The following KANK1 variants were observed in gnomAD, a reference collection of about 807,000 sequenced individuals.
KANK1 encodes KN motif and ankyrin repeat domains 1.
A neutral mutation model predicts 106.2 loss-of-function variants in KANK1; 109 were observed. That is an observed-to-expected ratio of 1.03 (90% CI 0.88 to 1.20). KANK1 has a LOEUF of 1.20. KANK1 is among the 50% of genes most tolerant of loss of function. KANK1 has a pLI of 0.00. For missense variants in KANK1, 2,399 were observed against 1,710.7 expected (o/e 1.40, Z -7.10); for synonymous variants, 873 against 652.2 (o/e 1.34, Z -5.16).
chr9:565,411 A>C (rs1012268628), intron 1 of KANK1, among the ~76,000 whole-genome samples: 1 of 152,236 alleles, frequency 6.6e-6, no homozygotes, highest in Non-Finnish European at 1.5e-5. Flanking sequence ...AGTCACCCAA[A>C]AGGGTCTTCC....
intron 1 of KANK1, among the ~76,000 whole-genome samples, chr9:581,023 C>T (rs1316445370): frequency 6.6e-6 from 1 of 151,916 alleles, no homozygotes; most frequent in African/African-American, 2.4e-5. Context: ...AGTGCTAAGC[C>T]CCTCACTGCC....
At chr9:499,836 G>A (rs921739027), upstream of KANK1, among the ~76,000 whole-genome samples, 7 of 152,296 alleles carry the variant, frequency 4.6e-5, no homozygotes, top group African/African-American at 1.7e-4. Context: ...ACCCAAAGAT[G>A]CAATTAGAGA....
rs182232964 is a variant in KANK1 at position 700,234 on chromosome 9, T to A, written c.38-10570T>A. 8.5e-5 allele frequency among the ~76,000 whole-genome samples: 13 copies of A among 152,316 alleles called. No individual in the cohort carries two copies. In the East Asian group the frequency reaches 2.3e-3, roughly 27 times the overall value. ...AAAAGAAAATCTCATCTGTTATACA[T>A]TTCCTTTAAACCAGAAGGAGGAACA... On this transcript the variant is annotated intron_variant, in intron 2 of 11. Coordinates refer to ENST00000382297, the MANE Select transcript of KANK1 (RefSeq NM_015158.5).
chr9:480,837 G>A (rs536905499), intron 3 of KANK1, among the ~76,000 whole-genome samples: 38 of 152,206 alleles, frequency 2.5e-4, no homozygotes, highest in Non-Finnish European at 5.0e-4. Flanking sequence ...CAGATAAATT[G>A]TGTAAAATGG....
At chr9:684,114 T>A (rs950876566) in intron 2 of KANK1, 12 of 963,930 alleles carry the variant, frequency 1.2e-5, no homozygotes, top group Non-Finnish European at 1.5e-5. Flanking sequence ...AGAGCTTGCT[T>A]GTTTCATAAA....
chr9:697,910 T>C (rs933474503), intron 2 of KANK1, among the ~76,000 whole-genome samples: 2 of 152,082 alleles, frequency 1.3e-5, no homozygotes, highest in South Asian at 4.2e-4. Flanking sequence ...GTTCTAGATA[T>C]GTATTTATCT....
At chr9:635,094 T>C (rs1326006935) in intron 1 of KANK1, among the ~76,000 whole-genome samples, 3 of 152,144 alleles carry the variant, frequency 2.0e-5, no homozygotes, top group Non-Finnish European at 4.4e-5. Context: ...GGAATGCCGT[T>C]ATTATGGTAA....
At chr9:514,143 C>CAT (rs1563696773) in intron 1 of KANK1, among the ~76,000 whole-genome samples, 2 of 67,236 alleles carry the variant, frequency 3.0e-5, no homozygotes, top group African/African-American at 1.5e-4. Context: ...TCCCTCCCTC[C>CAT]CTTCCTCTCT....
chr9:480,087 G>A (rs956418418), intron 3 of KANK1, among the ~76,000 whole-genome samples: 2 of 152,148 alleles, frequency 1.3e-5, no homozygotes, highest in East Asian at 3.8e-4. Flanking sequence ...CAAAAAACAC[G>A]TTCCATCTGG....
chr9:708,412 C>T (rs1824921246), intron 2 of KANK1, among the ~76,000 whole-genome samples: 2 of 152,250 alleles, frequency 1.3e-5, no homozygotes, highest in Non-Finnish European at 2.9e-5. Context: ...GCCCTCCCGA[C>T]CAGCCCTCCC....
chr9:634,777 T>G (rs1368840813), intron 1 of KANK1, among the ~76,000 whole-genome samples: 1 of 152,226 alleles, frequency 6.6e-6, no homozygotes, highest in Non-Finnish European at 1.5e-5. Context: ...TGAACCATGC[T>G]AGATTTCTCT....
At chr9:634,933 T>A (rs1836726194) in intron 1 of KANK1, among the ~76,000 whole-genome samples, 1 of 152,328 alleles carries the variant, frequency 6.6e-6, no homozygotes, top group African/African-American at 2.4e-5. Context: ...GCAAAATGGC[T>A]ACAGAAGTGC....
rs113826061 is a variant in KANK1 at position 655,138 on chromosome 9, G to A, written c.-83-21752G>A. Among the ~76,000 whole-genome samples the A allele has an allele frequency of 6.9e-3, 1,050 of 152,232 alleles. 22 individuals are homozygous for A. Among genetic ancestry groups the A allele is most frequent in the African/African-American group, 0.024 (995 of 41,512 alleles). ...TAACCCCAGCACTCTAGGAGGCCAA[G>A]GCGAGTGGATCACCTGCGGTCAGGA... On this transcript the variant is annotated intron_variant, in intron 1 of 11. Transcript: ENST00000382297.
chr9:702,581 C>T (rs1822954807), intron 2 of KANK1, among the ~76,000 whole-genome samples: 1 of 152,094 alleles, frequency 6.6e-6, no homozygotes, highest in South Asian at 2.1e-4. Flanking sequence ...AAATGTAAGT[C>T]GAATGTGTGA....
chr9:541,477 A>G (rs2060595641), intron 1 of KANK1, among the ~76,000 whole-genome samples: 1 of 152,230 alleles, frequency 6.6e-6, no homozygotes, highest in Non-Finnish European at 1.5e-5. Flanking sequence ...TGACTGCAAA[A>G]TGGACTAAAG....
At chr9:600,874 C>T (rs2804293) in intron 1 of KANK1, among the ~76,000 whole-genome samples, 49,754 of 151,770 alleles carry the variant, frequency 0.33, 10,615 homozygotes, top group South Asian at 0.54. Flanking sequence ...GCTTTTTGTT[C>T]TGGGATAACT....
At chr9:504,084 C>G (rs774458320), upstream of KANK1, among the ~76,000 whole-genome samples, 10 of 152,144 alleles carry the variant, frequency 6.6e-5, no homozygotes, top group Non-Finnish European at 1.0e-4. Context: ...AAACAGAGCT[C>G]TGCACGCTCC....
chr9:585,241 A>G (rs1021013257), intron 1 of KANK1, among the ~76,000 whole-genome samples: 4 of 152,162 alleles, frequency 2.6e-5, no homozygotes, highest in African/African-American at 9.7e-5. Context: ...AACTCTAGCA[A>G]CAAGTCATCT....
At chr9:553,337 T>C (rs1227340050) in intron 1 of KANK1, among the ~76,000 whole-genome samples, 1 of 152,200 alleles carries the variant, frequency 6.6e-6, no homozygotes, top group Non-Finnish European at 1.5e-5. Context: ...TGAGGGCTAC[T>C]TTGTGCCAGG....
Sources: allele counts gnomAD v4.1 joint callset (sites outside exome capture counted in the v4.1 genomes callset), GRCh38; gene constraint gnomAD v4.1.1; transcripts MANE v1.5; gene names NCBI Gene and HGNC (gene_info 2026-07-23, HGNC 2026-07-21).